CACNA1E: variants seen among roughly 807,000 people sequenced by gnomAD.
CACNA1E encodes calcium voltage-gated channel subunit alpha1 E, also known as voltage-dependent R-type calcium channel subunit alpha-1E.
CACNA1E carries 40 observed loss-of-function variants against 259.2 expected under a neutral mutation model. The observed-to-expected ratio is 0.15, with a 90% CI of 0.12 to 0.20. The LOEUF is 0.20. CACNA1E is among the 10% of genes least tolerant of loss of function. The pLI is 1.00. For missense variants in CACNA1E, 1,874 were observed against 3,040.1 expected, an observed-to-expected ratio of 0.62 and a Z score of 9.02; for synonymous variants, 1,104 against 1,138.5, an observed-to-expected ratio of 0.97 and a Z score of 0.61.
Position 181,511,363 on chromosome 1 carries a change from C to G in CACNA1E, c.373-8C>G. On this transcript the variant is annotated splice_region_variant and splice_polypyrimidine_tract_variant and intron_variant, in intron 2 of 47. Coordinates refer to ENST00000367573, the MANE Select transcript of CACNA1E (RefSeq NM_001205293.3). Reference sequence around the variant, plus strand: ...TCTCACTGGTGCTTCTGCTCCTCATCCCCACAGGAGAAGACAGAACCTTAT... The same window carrying G: ...TCTCACTGGTGCTTCTGCTCCTCATGCCCACAGGAGAAGACAGAACCTTAT... The G allele has an allele frequency of 6.2e-7, 1 of 1,613,850 alleles. No homozygotes were observed. The highest frequency in any genetic ancestry group is 8.5e-7 in the Non-Finnish European group (1 of 1,179,808).
Position 181,798,842 on chromosome 1 carries a change from TC to T in CACNA1E, c.*14del. 1 of 1,488,648 alleles carries T rather than the reference TC, an allele frequency of 6.7e-7. No individual in the cohort carries two copies. The allele number at this position is 1,488,648 out of a possible 1,614,324, so 92.2% of individuals were successfully genotyped here. On this transcript the variant is annotated 3_prime_UTR_variant, in exon 48 of 48. Coordinates refer to ENST00000367573, the MANE Select transcript of CACNA1E (RefSeq NM_001205293.3). This position sits in a 1 kb window ranked among gnomAD's most constrained non-coding sequence, Gnocchi z 4.2. ...GAAGATGACAAATGCTAGAGGCTGC[TC>T]CCCCCTCCGATGCATGCTCTTCTCT... is the stretch of plus-strand genomic sequence containing the variant.
chr1:181,459,190 T>TAGTACAGGGAACAACATTCCC (rs1317439482), intron 2 of CACNA1E, among the ~76,000 whole-genome samples: 2 of 152,246 alleles, frequency 1.3e-5, no homozygotes, highest in Non-Finnish European at 2.9e-5. Context: ...AGAACATTCC[T>TAGTACAGGGAACAACATTCCC]AGTACAGGGA....
At chr1:181,461,459 T>G (rs112428322) in intron 2 of CACNA1E, among the ~76,000 whole-genome samples, 106 of 142,944 alleles carry the variant, frequency 7.4e-4, no homozygotes, top group African/African-American at 2.7e-3. Context: ...GAGAATGGCA[T>G]CAACTTGGGA....
chr1:181,377,894 C>T lies in CACNA1E; in HGVS notation c.-14-35239C>T, dbSNP rs189566968. Reference sequence around the variant, plus strand: ...CCAGCATTCCATACTCTTAATAACACACTATCCATTCTCTTTGGATTTATT... The same window carrying T: ...CCAGCATTCCATACTCTTAATAACATACTATCCATTCTCTTTGGATTTATT... On this transcript the variant is annotated intron_variant, in intron 1 of 11. Transcript: ENST00000524607. Among the ~76,000 whole-genome samples the T allele has an allele frequency of 2.0e-5, 3 of 152,334 alleles. No homozygotes were observed. The East Asian group carries it at 5.8e-4, about 29-fold the overall frequency.
chr1:181,739,768 T>A (rs796710117), intron 25 of CACNA1E, among the ~76,000 whole-genome samples: 3 of 152,196 alleles, frequency 2.0e-5, no homozygotes, highest in Non-Finnish European at 2.9e-5. Flanking sequence ...TGCACAAACC[T>A]AATAATATGT....
intron 2 of CACNA1E, among the ~76,000 whole-genome samples, chr1:181,471,525 GTTTC>G (rs987765541): frequency 7.9e-5 from 12 of 151,952 alleles, no homozygotes; most frequent in South Asian, 2.1e-4. Context: ...GCTTTGAAGA[GTTTC>G]TTTGATTTTT....
intron 39 of CACNA1E, 73 bp from the exon 40 acceptor site, chr1:181,783,606 C>T: frequency 2.3e-6 from 2 of 851,354 alleles, no homozygotes; most frequent in South Asian, 3.0e-5. Flanking sequence ...CTACCCTTTT[C>T]TTCCTTTCTC....
At chr1:181,425,669 T>C (rs1181136144) in intron 2 of CACNA1E, among the ~76,000 whole-genome samples, 1 of 151,358 alleles carries the variant, frequency 6.6e-6, no homozygotes, top group African/African-American at 2.4e-5. Context: ...GAGGTGGGCG[T>C]GGGGCACCCT....
At chr1:181,773,531 G>A (rs1437035015) in intron 37 of CACNA1E, among the ~76,000 whole-genome samples, 1 of 152,168 alleles carries the variant, frequency 6.6e-6, no homozygotes, top group African/African-American at 2.4e-5. Flanking sequence ...GAAGTATAAT[G>A]TATAAAGAAA....
chr1:181,414,315 A>T (rs1052257281), intron 2 of CACNA1E, among the ~76,000 whole-genome samples: 3 of 152,102 alleles, frequency 2.0e-5, no homozygotes, highest in African/African-American at 7.2e-5. Context: ...CTTGCTTTAG[A>T]TTGTTGACTT....
At chr1:181,500,198 C>T (rs1186001304) in intron 1 of CACNA1E, among the ~76,000 whole-genome samples, 1 of 152,194 alleles carries the variant, frequency 6.6e-6, no homozygotes, top group Non-Finnish European at 1.5e-5. Flanking sequence ...TTGCTTCCTA[C>T]CTGGTTGGTT....
intron 1 of CACNA1E, among the ~76,000 whole-genome samples, chr1:181,493,793 A>G (rs1338997243): frequency 6.6e-6 from 1 of 152,234 alleles, no homozygotes; most frequent in Non-Finnish European, 1.5e-5. Context: ...TGGCACAAGC[A>G]GAGGGAATAC....
chr1:181,317,812 A>G (rs921525911), exon 1 of CACNA1E: 12 of 152,094 alleles, frequency 7.9e-5, no homozygotes, highest in African/African-American at 2.2e-4. Context: ...GTGGGCATGT[A>G]TGCGAGTTCT....
chr1:181,488,663 A>C (rs572669987), intron 1 of CACNA1E, among the ~76,000 whole-genome samples: 1 of 152,278 alleles, frequency 6.6e-6, no homozygotes, highest in East Asian at 1.9e-4. Context: ...TAGAGACAAA[A>C]ATATCCTCAA....
intron 1 of CACNA1E, among the ~76,000 whole-genome samples, chr1:181,366,151 T>C (rs1654250969): frequency 6.6e-6 from 1 of 152,170 alleles, no homozygotes. Context: ...CATTTGACTA[T>C]CCTCTCTGAA....
chr1:181,574,477 A>G (rs1650742196), intron 3 of CACNA1E, among the ~76,000 whole-genome samples: 1 of 152,174 alleles, frequency 6.6e-6, no homozygotes, highest in Admixed American at 6.5e-5. Context: ...CAACAAATTT[A>G]TTAATTTAAT....
chr1:181,461,820 A>G (rs1002981269), intron 2 of CACNA1E, among the ~76,000 whole-genome samples: 3 of 152,116 alleles, frequency 2.0e-5, no homozygotes, highest in Admixed American at 1.3e-4. Context: ...TGTTATAGAA[A>G]ATATGGAAAA....
chr1:181,668,784 C>T lies in CACNA1E; in HGVS notation c.1055+17343C>T, dbSNP rs573136139. 2.6e-5 allele frequency: 4 copies of T among 152,180 alleles called. No individual in the cohort carries two copies. In the East Asian group the frequency reaches 7.7e-4, roughly 29 times the overall value. 9.4% of individuals were successfully genotyped at this position (152,180 alleles called of 1,614,324 possible). Reference sequence around the variant, plus strand: ...GTGACTCATGCCTGTAATCCCAGCACTTTGAGAGGTTGAGGCAGGAGGATT... The same window carrying T: ...GTGACTCATGCCTGTAATCCCAGCATTTTGAGAGGTTGAGGCAGGAGGATT... On this transcript the variant is annotated intron_variant, in intron 7 of 47. Transcript: ENST00000367573.
intron 1 of CACNA1E, among the ~76,000 whole-genome samples, chr1:181,355,955 T>C (rs1186404537): frequency 6.6e-6 from 1 of 152,226 alleles, no homozygotes; most frequent in African/African-American, 2.4e-5. Context: ...AAAGTTCATA[T>C]AATATTAAAG....
Sources: allele counts gnomAD v4.1 joint callset (sites outside exome capture counted in the v4.1 genomes callset), GRCh38; gene constraint gnomAD v4.1.1; non-coding constraint Gnocchi (gnomAD v3.1); transcripts MANE v1.5; gene names NCBI Gene and HGNC (gene_info 2026-07-23, HGNC 2026-07-21).